The following CA10 variants were observed in gnomAD, a reference collection of about 807,000 sequenced individuals.
The protein encoded by CA10 is carbonic anhydrase-related protein 10.
In CA10, 14 loss-of-function variants were observed where a neutral mutation model predicts 44.2. The ratio of observed to expected loss-of-function variants is 0.32; its 90% confidence interval spans 0.21 to 0.50. The LOEUF is 0.50. Ranked by LOEUF, CA10 falls within the 20% of genes least tolerant of loss-of-function variation. CA10 has a pLI of 0.99. For missense variants in CA10, 350 were observed against 409.7 expected, an observed-to-expected ratio of 0.85 and a Z score of 1.26; for synonymous variants, 159 against 141.6, an observed-to-expected ratio of 1.12 and a Z score of -0.87.
At chr17:51,884,523 G>A (rs1567872791) in intron 3 of CA10, among the ~76,000 whole-genome samples, 1 of 152,068 alleles carries the variant, frequency 6.6e-6, no homozygotes, top group East Asian at 1.9e-4. Flanking sequence ...TTGACTTTAT[G>A]TTCTATTCTC....
chr17:52,055,129 G>C (rs1039313231), intron 2 of CA10, among the ~76,000 whole-genome samples: 1 of 152,144 alleles, frequency 6.6e-6, no homozygotes, highest in African/African-American at 2.4e-5. Context: ...GGCCTGGTCT[G>C]GTAGGGAACA....
intron 3 of CA10, among the ~76,000 whole-genome samples, chr17:51,851,013 C>T (rs1032639637): frequency 6.6e-6 from 1 of 152,134 alleles, no homozygotes; most frequent in Admixed American, 6.5e-5. Context: ...TTCTGCAGAC[C>T]GCGCTGCCAT....
intron 1 of CA10, among the ~76,000 whole-genome samples, chr17:52,084,696 CA>C (rs1218844405): frequency 6.6e-6 from 1 of 152,148 alleles, no homozygotes. Flanking sequence ...CTCATGATCA[CA>C]ACTGTCTTCT....
intron 3 of CA10, among the ~76,000 whole-genome samples, chr17:51,858,995 G>C (rs1979178117): frequency 6.6e-6 from 1 of 152,012 alleles, no homozygotes; most frequent in African/African-American, 2.4e-5. Flanking sequence ...ATAGGATGTG[G>C]TGGGAATTAA....
At chr17:51,789,032 T>C (rs756364855) in intron 3 of CA10, among the ~76,000 whole-genome samples, 14 of 152,194 alleles carry the variant, frequency 9.2e-5, no homozygotes, top group Non-Finnish European at 1.9e-4. Flanking sequence ...TTTTTTGAGA[T>C]AGAGTCTCTC....
At chr17:51,870,444 T>A (rs1979750087) in intron 3 of CA10, among the ~76,000 whole-genome samples, 1 of 152,156 alleles carries the variant, frequency 6.6e-6, no homozygotes, top group African/African-American at 2.4e-5. Context: ...CTGGGTCAAA[T>A]CAAATAAGTC....
chr17:52,151,829 G>T (rs1432357681), intron 1 of CA10, among the ~76,000 whole-genome samples: 1 of 152,034 alleles, frequency 6.6e-6, no homozygotes, highest in Non-Finnish European at 1.5e-5. Context: ...AAGGCACACA[G>T]AACTTAAATT....
chr17:51,843,509 AT>A (rs914737060), intron 3 of CA10, among the ~76,000 whole-genome samples: 2 of 151,948 alleles, frequency 1.3e-5, no homozygotes, highest in African/African-American at 2.4e-5. Context: ...TTGCTGGTTG[AT>A]TTTTTTTCCC....
intron 2 of CA10, among the ~76,000 whole-genome samples, chr17:51,972,364 C>T (rs1036091861): frequency 2.4e-4 from 32 of 131,690 alleles, no homozygotes; most frequent in East Asian, 1.1e-3. Context: ...AAAGTTAATA[C>T]TCAAGATTAT....
intron 4 of CA10, among the ~76,000 whole-genome samples, chr17:51,669,360 C>A (rs896704769): frequency 1.3e-5 from 2 of 152,064 alleles, no homozygotes; most frequent in African/African-American, 2.4e-5. Flanking sequence ...TTGTGTCCAG[C>A]TAAAGGATTG....
chr17:51,876,250 T>C (rs1222070760), intron 3 of CA10, among the ~76,000 whole-genome samples: 2 of 142,954 alleles, frequency 1.4e-5, no homozygotes, highest in Admixed American at 7.3e-5. Context: ...CACTGCAGCC[T>C]GGACCTCTCA....
intron 4 of CA10, among the ~76,000 whole-genome samples, chr17:51,704,973 A>G (rs943722393): frequency 1.3e-5 from 2 of 151,844 alleles, no homozygotes; most frequent in African/African-American, 4.8e-5. Context: ...TCTAAAAAAA[A>G]AAAAAAGAAA....
intron 1 of CA10, among the ~76,000 whole-genome samples, chr17:52,146,860 T>C (rs568096409): frequency 7.0e-4 from 106 of 152,166 alleles, no homozygotes; most frequent in African/African-American, 2.4e-3. Flanking sequence ...TTGGAAACCA[T>C]AGGAGGTAGC....
intron 3 of CA10, among the ~76,000 whole-genome samples, chr17:51,832,392 T>C (rs1161600621): frequency 6.6e-6 from 1 of 152,178 alleles, no homozygotes; most frequent in Non-Finnish European, 1.5e-5. Flanking sequence ...GTTGATACCA[T>C]GTGTAAGGTG....
In CA10 at chr17:51,718,720, G is replaced by T. The variant is rs118080553; in HGVS notation, c.465+28913C>A. Among the ~76,000 whole-genome samples the T allele has an allele frequency of 6.2e-4, 94 of 152,142 alleles. 1 individual carries two copies. The East Asian group carries it at 0.014, about 23-fold the overall frequency. ...GGAAAACTAAGCCCTCCATCTGTGGGGTCTGTTGCTATCTCCAAGTAGATA... is the reference window on the plus strand; with the variant it reads ...GGAAAACTAAGCCCTCCATCTGTGGTGTCTGTTGCTATCTCCAAGTAGATA... On this transcript the variant is annotated intron_variant, in intron 4 of 8. Transcript: ENST00000451037.
chr17:51,880,474 G>C (rs533963324), intron 3 of CA10, among the ~76,000 whole-genome samples: 1 of 152,080 alleles, frequency 6.6e-6, no homozygotes, highest in East Asian at 1.9e-4. Flanking sequence ...GCTAATTTTT[G>C]TATCTTTTGT....
At chr17:51,968,718 AAAAT>A (rs1440712368) in intron 2 of CA10, among the ~76,000 whole-genome samples, 4 of 151,954 alleles carry the variant, frequency 2.6e-5, no homozygotes, top group African/African-American at 9.7e-5. Context: ...ACATAAATAA[AAAAT>A]AAAAACAGTG....
chr17:52,016,263 C>T (rs1985964758), intron 2 of CA10, among the ~76,000 whole-genome samples: 2 of 151,986 alleles, frequency 1.3e-5, no homozygotes, highest in South Asian at 4.1e-4. Context: ...CACAATTTGT[C>T]CTAAGAAATT....
At chr17:52,092,122 GTC>G (rs2143214010) in intron 1 of CA10, among the ~76,000 whole-genome samples, 2 of 151,958 alleles carry the variant, frequency 1.3e-5, no homozygotes, top group South Asian at 4.2e-4. Context: ...TCTCTCCTTT[GTC>G]TGTTTCTCCC....
Sources: allele counts gnomAD v4.1 joint callset (sites outside exome capture counted in the v4.1 genomes callset), GRCh38; gene constraint gnomAD v4.1.1; transcripts MANE v1.5; gene names NCBI Gene and HGNC (gene_info 2026-07-23, HGNC 2026-07-21).